PAK3: variants seen among roughly 807,000 people sequenced by gnomAD.
The protein encoded by PAK3 is p21 (RAC1) activated kinase 3.
Under a neutral mutation model 41.0 loss-of-function variants are expected in PAK3, and 4 were observed. The ratio of observed to expected loss-of-function variants is 0.10; its 90% confidence interval spans 0.05 to 0.22. The LOEUF (loss-of-function observed/expected upper bound fraction) is 0.22. PAK3 is among the 10% of genes least tolerant of loss of function. The probability of loss-of-function intolerance (pLI) is 1.00; values close to 1 mark genes in which losing one functional copy is unlikely to be tolerated. For synonymous variants in PAK3, 146 were observed against 139.6 expected, an observed-to-expected ratio of 1.05 and a Z score of -0.32; for missense variants, 205 against 409.9, an observed-to-expected ratio of 0.50 and a Z score of 4.32.
chrX:111,151,531 G>A (rs1319511975), intron 7 of PAK3, among the ~76,000 whole-genome samples: 1 of 111,871 alleles, frequency 8.9e-6, no homozygotes, highest in Non-Finnish European at 1.9e-5. Flanking sequence ...AGGAGGTAGG[G>A]AGAGAAGAAA....
intron 1 of PAK3, among the ~76,000 whole-genome samples, chrX:110,997,553 C>A (rs922324469): frequency 3.6e-5 from 4 of 111,443 alleles, no homozygotes; most frequent in African/African-American, 1.3e-4. Flanking sequence ...GATAAAGTAC[C>A]CAGTCAAGGA....
At chrX:111,120,430 G>A (rs2093549688) in intron 4 of PAK3, among the ~76,000 whole-genome samples, 1 of 111,716 alleles carries the variant, frequency 9.0e-6, no homozygotes, top group Non-Finnish European at 1.9e-5. Context: ...TGGTCAGATG[G>A]AGTAATTAGG....
intron 11 of PAK3, among the ~76,000 whole-genome samples, chrX:111,180,911 A>G (rs1206164107): frequency 8.9e-6 from 1 of 111,977 alleles, no homozygotes; most frequent in Non-Finnish European, 1.9e-5. Flanking sequence ...TTATCATTAG[A>G]ATAGATTCCT....
intron 1 of PAK3, among the ~76,000 whole-genome samples, chrX:110,973,369 G>A (rs2091253843): frequency 8.9e-6 from 1 of 112,244 alleles, no homozygotes; most frequent in Non-Finnish European, 1.9e-5. Context: ...AGATCTCTCT[G>A]CAGAAACTCT....
chrX:111,158,920 A>G (rs925300339), intron 8 of PAK3, among the ~76,000 whole-genome samples: 1 of 111,359 alleles, frequency 9.0e-6, no homozygotes, highest in Non-Finnish European at 1.9e-5. Flanking sequence ...TCTTTGTACC[A>G]GTTTAAGGTT....
intron 1 of PAK3, among the ~76,000 whole-genome samples, chrX:111,053,362 A>T (rs1243938039): frequency 1.8e-5 from 2 of 111,686 alleles, no homozygotes; most frequent in Admixed American, 9.5e-5. Flanking sequence ...AGGACACAAG[A>T]CTATTTAAGC....
intron 1 of PAK3, among the ~76,000 whole-genome samples, chrX:111,019,194 T>C (rs775737522): frequency 8.9e-6 from 1 of 111,810 alleles, no homozygotes; most frequent in East Asian, 2.8e-4. Flanking sequence ...GGCAATGATT[T>C]ATTGTATATG....
intron 1 of PAK3, among the ~76,000 whole-genome samples, chrX:110,989,546 G>C (rs903249385): frequency 9.0e-6 from 1 of 111,684 alleles, no homozygotes; most frequent in African/African-American, 3.3e-5. Flanking sequence ...AATACTATTT[G>C]CACCAAAGAA....
chrX:111,160,319 C>A (rs1043010764), intron 8 of PAK3, among the ~76,000 whole-genome samples: 2 of 110,682 alleles, frequency 1.8e-5, no homozygotes, highest in African/African-American at 6.6e-5. Context: ...AAATTTTCAG[C>A]ATTTCAACAT....
At chrX:111,104,201 T>A (rs762767573) in intron 4 of PAK3, among the ~76,000 whole-genome samples, 2 of 111,483 alleles carry the variant, frequency 1.8e-5, no homozygotes, top group Non-Finnish European at 3.8e-5. Flanking sequence ...CTGGCCTCTG[T>A]TGCTATTCCC....
rs1355924787 is a variant in PAK3, at chrX:111,221,807, A to G, written c.*1360A>G. 8.9e-6 allele frequency: 1 copy of G among 111,795 alleles called. No individual in the cohort carries two copies. The highest frequency in any genetic ancestry group is 2.8e-4 in the East Asian group (1 of 3,566). The allele number at this position is 111,795 out of a possible 1,213,427, so 9.2% of individuals were successfully genotyped here. A position where few individuals can be genotyped will look rare whatever the true frequency, so the allele number is the denominator to read the frequency against. ...TTAGTTCTTTGGGCTTTTGAATATC[A>G]AAAGCATATTCATAAATGTCTTGAA... is the stretch of plus-strand genomic sequence containing the variant. On this transcript the variant is annotated 3_prime_UTR_variant, in exon 18 of 18. Transcript: ENST00000372007.
At chrX:111,183,916 A>G (rs899478328) in intron 11 of PAK3, among the ~76,000 whole-genome samples, 7 of 111,488 alleles carry the variant, frequency 6.3e-5, no homozygotes, top group African/African-American at 2.3e-4. Context: ...ATGGGTCCCA[A>G]TGGTTGAGAA....
At chrX:111,120,511 C>T (rs1375736481) in intron 4 of PAK3, among the ~76,000 whole-genome samples, 1 of 111,749 alleles carries the variant, frequency 8.9e-6, no homozygotes, top group East Asian at 2.8e-4. Flanking sequence ...ATTTTAAATT[C>T]ATTTGAGCTG....
intron 1 of PAK3, among the ~76,000 whole-genome samples, chrX:111,043,230 G>A (rs5943114): frequency 0.031 from 3,362 of 109,207 alleles, 75 homozygotes; most frequent in Middle Eastern, 0.056. Flanking sequence ...GGAGTTTGAG[G>A]CTGCAGTGAG....
chrX:111,220,688 C>T lies in PAK3; in HGVS notation c.*241C>T, dbSNP rs938774021. On this transcript the variant is annotated 3_prime_UTR_variant, in exon 18 of 18. Transcript: ENST00000372007. The stretch of plus-strand genomic sequence containing the variant: ...GTGACCATAAAGTGGTCACTTCCAC[C>T]GTGAAGCGAAAGAGCCAGTAGTGAA... The T allele has an allele frequency of 5.2e-6, 2 of 381,819 alleles. No individual in the cohort carries two copies. Among genetic ancestry groups the T allele is most frequent in the Non-Finnish European group, 9.2e-6 (2 of 218,283 alleles). 31.5% of individuals were successfully genotyped at this position (381,819 alleles called of 1,213,427 possible).
chrX:111,133,213 T>G (rs992058388), intron 5 of PAK3, among the ~76,000 whole-genome samples: 2 of 111,792 alleles, frequency 1.8e-5, no homozygotes, highest in African/African-American at 6.5e-5. Context: ...CCCTACTTAT[T>G]TATTGTGTCT....
intron 6 of PAK3, 90 bp from the exon 7 acceptor site, chrX:111,147,647 T>C (rs2093966341): frequency 1.6e-6 from 1 of 639,723 alleles, no homozygotes; most frequent in Non-Finnish European, 2.7e-6. Flanking sequence ...ACAGGTAGCA[T>C]GGGCTTCTTG....
chrX:110,968,390 A>T (rs1156328300), intron 1 of PAK3, among the ~76,000 whole-genome samples: 1 of 112,581 alleles, frequency 8.9e-6, no homozygotes, highest in African/African-American at 3.2e-5. Context: ...ATTTAGTTTT[A>T]TAAGAAACTG....
At chrX:111,154,743 G>A (rs1211679526) in intron 8 of PAK3, among the ~76,000 whole-genome samples, 1 of 110,898 alleles carries the variant, frequency 9.0e-6, no homozygotes, top group Admixed American at 9.6e-5. Context: ...AACAACATGT[G>A]AAGGGAGGTA....
Sources: gnomAD v4.1 joint callset for allele counts (sites outside exome capture counted in the v4.1 genomes callset) on GRCh38, gnomAD v4.1.1 for gene constraint, MANE v1.5 for transcripts, NCBI Gene and HGNC (gene_info 2026-07-23, HGNC 2026-07-21) for gene names.